Variants in PPP4R2 observed in about 807,000 individuals in gnomAD.
PPP4R2 encodes the protein serine/threonine-protein phosphatase 4 regulatory subunit 2.
Under a neutral mutation model 47.2 loss-of-function variants are expected in PPP4R2, and 13 were observed. That is an observed-to-expected ratio of 0.28 (90% CI 0.18 to 0.44). PPP4R2 has a LOEUF of 0.44. Among genes scored for constraint, PPP4R2 ranks in the 20% least tolerant of loss-of-function variants. The probability of loss-of-function intolerance (pLI) is 1.00; values close to 1 mark genes in which losing one functional copy is unlikely to be tolerated. For synonymous variants in PPP4R2, 151 were observed against 163.3 expected (o/e 0.92, Z 0.57); for missense variants, 421 against 491.2 (o/e 0.86, Z 1.35).
At chr3:73,037,834 T>C (rs1053399391) in intron 2 of PPP4R2, among the ~76,000 whole-genome samples, 1 of 152,172 alleles carries the variant, frequency 6.6e-6, no homozygotes, top group Non-Finnish European at 1.5e-5. Context: ...GGCAATTAAG[T>C]GTTTATGATG....
At chr3:73,036,414 GATAA>G (rs1249564249) in intron 2 of PPP4R2, among the ~76,000 whole-genome samples, 1 of 152,156 alleles carries the variant, frequency 6.6e-6, no homozygotes, top group Non-Finnish European at 1.5e-5. Flanking sequence ...CAGCACAAAT[GATAA>G]ATGTTTGAAA....
At chr3:73,033,459 G>T (rs1013938766) in intron 2 of PPP4R2, among the ~76,000 whole-genome samples, 8 of 152,140 alleles carry the variant, frequency 5.3e-5, no homozygotes, top group African/African-American at 1.7e-4. Context: ...ACTCTTGTGA[G>T]TTCTCTTAAT....
chr3:73,008,592 G>C (rs968869252), intron 2 of PPP4R2, among the ~76,000 whole-genome samples: 1 of 152,110 alleles, frequency 6.6e-6, no homozygotes, highest in Non-Finnish European at 1.5e-5. Context: ...TCCAAACTTA[G>C]CTTTTCTACT....
At chr3:73,008,145 CTT>C (rs1484389974) in intron 2 of PPP4R2, among the ~76,000 whole-genome samples, 1 of 147,212 alleles carries the variant, frequency 6.8e-6, no homozygotes, top group African/African-American at 2.5e-5. Flanking sequence ...TTCTGAGTCA[CTT>C]TACAATCTAT....
intron 2 of PPP4R2, among the ~76,000 whole-genome samples, chr3:73,027,511 T>C (rs970699283): frequency 3.3e-5 from 5 of 152,244 alleles, no homozygotes; most frequent in Admixed American, 2.0e-4. Context: ...ATTTGTTTTT[T>C]CTACTGTAGA....
At chr3:73,020,788 A>G (rs980291931) in intron 2 of PPP4R2, among the ~76,000 whole-genome samples, 2 of 151,828 alleles carry the variant, frequency 1.3e-5, no homozygotes, top group African/African-American at 2.4e-5. Context: ...TTGGCCTCCT[A>G]AAGTGCTGGG....
intron 2 of PPP4R2, among the ~76,000 whole-genome samples, chr3:73,008,212 A>G (rs966204849): frequency 6.6e-6 from 1 of 152,198 alleles, no homozygotes; most frequent in Non-Finnish European, 1.5e-5. Flanking sequence ...AAGTCCTCTC[A>G]TGTGCTGTCA....
At chr3:73,021,535 C>T (rs548737586) in intron 2 of PPP4R2, among the ~76,000 whole-genome samples, 1 of 152,060 alleles carries the variant, frequency 6.6e-6, no homozygotes. Flanking sequence ...CACGCCCAGC[C>T]TGGAATTTAT....
intron 2 of PPP4R2, among the ~76,000 whole-genome samples, chr3:73,000,064 G>C (rs1252270382): frequency 2.0e-5 from 3 of 152,182 alleles, no homozygotes; most frequent in Admixed American, 2.0e-4. Context: ...AGACTTTTCT[G>C]ATGTTTTAGG....
At chr3:73,005,139 C>G (rs919483206) in intron 2 of PPP4R2, among the ~76,000 whole-genome samples, 8 of 152,054 alleles carry the variant, frequency 5.3e-5, no homozygotes, top group Admixed American at 4.6e-4. Flanking sequence ...GACGGGGTTT[C>G]ACCATATTGG....
At chr3:72,997,388 T>G (rs1184679573) in intron 1 of PPP4R2, 1 of 252,126 alleles carries the variant, frequency 4.0e-6, no homozygotes, top group Non-Finnish European at 7.5e-6. Context: ...CTCCCAGATA[T>G]CCTCTTTTCT....
At chr3:73,061,991 A>G (rs1283630504) in intron 5 of PPP4R2, 3 of 936,488 alleles carry the variant, frequency 3.2e-6, no homozygotes, top group Non-Finnish European at 3.1e-6. Flanking sequence ...AATTTCTTTT[A>G]TGAAGCAAAA....
At chr3:73,041,145 A>G (rs575573982) in intron 2 of PPP4R2, among the ~76,000 whole-genome samples, 4 of 152,300 alleles carry the variant, frequency 2.6e-5, no homozygotes, top group Admixed American at 2.6e-4. Context: ...TTTACTGACT[A>G]ATCTGTCCTT....
intron 7 of PPP4R2, 48 bp downstream of exon 7, chr3:73,064,194 G>A (rs1439463359): frequency 1.3e-6 from 2 of 1,486,722 alleles, no homozygotes; most frequent in East Asian, 4.8e-5. Flanking sequence ...AAAAGTTAAA[G>A]TTAACATTTA....
intron 2 of PPP4R2, among the ~76,000 whole-genome samples, chr3:73,036,860 A>G (rs568887663): frequency 2.4e-5 from 3 of 122,898 alleles, no homozygotes; most frequent in East Asian, 4.4e-4. Flanking sequence ...AATATTAGCT[A>G]ACATAGCAGA....
Position 73,047,072 on chromosome 3 carries a change from T to G in PPP4R2, c.117-114T>G, listed in dbSNP as rs988629191. On this transcript the variant is annotated intron_variant, in intron 2 of 8. Coordinates refer to ENST00000356692, the MANE Select transcript of PPP4R2 (RefSeq NM_174907.4). ...ATGACGGCATTCTCATTACTAATTA[T>G]TCACATCTTAATTTTGTTAGTATTA... 3.9e-5 allele frequency: 24 copies of G among 610,314 alleles called. No individual in the cohort carries two copies. The African/African-American group carries it at 4.2e-4, about 11-fold the overall frequency. The allele number at this position is 610,314 out of a possible 1,614,324, so 37.8% of individuals were successfully genotyped here.
Position 73,065,755 on chromosome 3 carries a change from A to G in PPP4R2, c.*33A>G. 2 of 1,464,386 alleles carry G rather than the reference A, an allele frequency of 1.4e-6. No individual in the cohort carries two copies. Among genetic ancestry groups the G allele is most frequent in the Non-Finnish European group, 1.9e-6 (2 of 1,076,318 alleles). The allele number at this position is 1,464,386 out of a possible 1,614,324, so 90.7% of individuals were successfully genotyped here. Reference sequence around the variant, plus strand: ...GAAACATTTAGATGCAGTATTTTACATACAGTTCTGGTTTTAACACTGTAT... The same window carrying G: ...GAAACATTTAGATGCAGTATTTTACGTACAGTTCTGGTTTTAACACTGTAT... On this transcript the variant is annotated 3_prime_UTR_variant, in exon 9 of 9. Coordinates refer to ENST00000356692, the MANE Select transcript of PPP4R2 (RefSeq NM_174907.4).
intron 2 of PPP4R2, among the ~76,000 whole-genome samples, chr3:73,042,614 C>T (rs1310682625): frequency 4.6e-5 from 7 of 152,012 alleles, no homozygotes; most frequent in Non-Finnish European, 7.4e-5. Context: ...AAGCCCGCCT[C>T]GGCCTCCCAA....
rs147925504 is a variant in PPP4R2, at chr3:73,015,234, C to T, written c.116+17076C>T. ...TCTCTCTGTTGCCCAGGGTGGAGTG[C>T]AGTGACTTGATCTCAGCTCACTGCC... On this transcript the variant is annotated intron_variant, in intron 2 of 8. Transcript: ENST00000356692. Among the ~76,000 whole-genome samples, 14 of 152,294 alleles carry T rather than the reference C, an allele frequency of 9.2e-5. No individual in the cohort carries two copies. In the East Asian group the frequency reaches 1.7e-3, roughly 19 times the overall value.
Sources: allele counts gnomAD v4.1 joint callset (sites outside exome capture counted in the v4.1 genomes callset), GRCh38; gene constraint gnomAD v4.1.1; transcripts MANE v1.5; gene names NCBI Gene and HGNC (gene_info 2026-07-23, HGNC 2026-07-21).